Variants in PCDH11X observed in about 807,000 individuals in gnomAD.
PCDH11X encodes protocadherin-11 X-linked.
A neutral mutation model predicts 53.3 loss-of-function variants in PCDH11X; 18 were observed. The observed-to-expected ratio is 0.34, with a 90% CI of 0.23 to 0.50. The LOEUF (loss-of-function observed/expected upper bound fraction) is 0.50. Ranked by LOEUF, PCDH11X falls within the 20% of genes least tolerant of loss-of-function variation. The pLI is 0.98. For synonymous variants in PCDH11X, 279 were observed against 393.3 expected, an observed-to-expected ratio of 0.71 and a Z score of 3.44; for missense variants, 570 against 1,032.4, an observed-to-expected ratio of 0.55 and a Z score of 6.14.
At chrX:92,251,434 A>G (rs929711827) in intron 7 of PCDH11X, among the ~76,000 whole-genome samples, 5 of 111,170 alleles carry the variant, frequency 4.5e-5, no homozygotes, top group Non-Finnish European at 7.6e-5. Flanking sequence ...CCAAAATGAA[A>G]AAAAGAAAAA....
chrX:92,280,521 CAAAT>C (rs200000470), intron 8 of PCDH11X, among the ~76,000 whole-genome samples: 2,838 of 104,279 alleles, frequency 0.027, 66 homozygotes, highest in African/African-American at 0.061. Flanking sequence ...GGCTCCATCT[CAAAT>C]AAATAAATAA....
At position 91,988,763 on chromosome X, in the gene PCDH11X, T is replaced by G. The variant is rs2062266604; in HGVS notation, c.3033+109490T>G. 2.7e-5 allele frequency among the ~76,000 whole-genome samples: 3 copies of G among 112,041 alleles called. No individual in the cohort carries two copies. The Admixed American group carries it at 2.8e-4, about 11-fold the overall frequency. On this transcript the variant is annotated intron_variant, in intron 6 of 10. Transcript: ENST00000682573. ...GCAGTTGTCGAACACTAGTCTTACA[T>G]ACTGTGGTAGAGGACACAGACCAGT...
At position 92,621,991 on chromosome X, in the gene PCDH11X, T is replaced by A. The variant is rs1224625790; in HGVS notation, c.*3051T>A. On this transcript the variant is annotated 3_prime_UTR_variant, in exon 11 of 11. Transcript: ENST00000682573. The stretch of plus-strand genomic sequence containing the variant: ...GTATTCAAATACTAAGTATCTTATA[T>A]GCTACGTGCATACACATTCTTTTCT... 9.8e-6 allele frequency: 1 copy of A among 102,201 alleles called. No homozygotes were observed. The highest frequency in any genetic ancestry group is 2.0e-5 in the Non-Finnish European group (1 of 50,310). 8.4% of individuals were successfully genotyped at this position (102,201 alleles called of 1,213,427 possible).
chrX:92,122,304 A>C (rs944382358), intron 6 of PCDH11X, among the ~76,000 whole-genome samples: 1 of 111,336 alleles, frequency 9.0e-6, no homozygotes, highest in East Asian at 2.8e-4. Context: ...TGAAAAACCA[A>C]ATCCAACCAC....
At chrX:91,968,091 G>A (rs959217219) in intron 6 of PCDH11X, among the ~76,000 whole-genome samples, 3 of 111,680 alleles carry the variant, frequency 2.7e-5, no homozygotes, top group Non-Finnish European at 5.6e-5. Flanking sequence ...GAATTGAAAA[G>A]CAAGCCTTCA....
chrX:92,030,419 G>A (rs1027456922), intron 6 of PCDH11X, among the ~76,000 whole-genome samples: 1 of 108,322 alleles, frequency 9.2e-6, no homozygotes, highest in Non-Finnish European at 1.9e-5. Flanking sequence ...TTTGATACAG[G>A]TGTGCAATGC....
chrX:92,140,891 T>C lies in PCDH11X; in HGVS notation c.3034-60484T>C, dbSNP rs766316452. ...GGAAATGAAGACATACTAATAAATA[T>C]GTATTTTGCTTTCATAGTTACAGAT... On this transcript the variant is annotated intron_variant, in intron 6 of 10. Transcript: ENST00000682573. 2.7e-5 allele frequency among the ~76,000 whole-genome samples: 3 copies of C among 111,702 alleles called. No homozygotes were observed. The East Asian group carries it at 8.5e-4, about 32-fold the overall frequency.
At chrX:92,436,524 C>A (rs903685409) in intron 9 of PCDH11X, among the ~76,000 whole-genome samples, 1 of 111,345 alleles carries the variant, frequency 9.0e-6, no homozygotes, top group African/African-American at 3.3e-5. Flanking sequence ...AACATGCACA[C>A]AAATGTTCAC....
At chrX:92,508,004 G>A (rs1438635175) in intron 10 of PCDH11X, among the ~76,000 whole-genome samples, 14 of 109,170 alleles carry the variant, frequency 1.3e-4, no homozygotes, top group African/African-American at 3.7e-4. Flanking sequence ...TAGTAGAGAC[G>A]GGGTTTCACC....
chrX:92,091,647 G>A (rs1219689043), intron 6 of PCDH11X, among the ~76,000 whole-genome samples: 1 of 111,053 alleles, frequency 9.0e-6, no homozygotes, highest in Non-Finnish European at 1.9e-5. Flanking sequence ...AACTCAAAGT[G>A]GGGGCTTCCA....
chrX:92,403,346 T>TG lies in PCDH11X; in HGVS notation c.3343+15413_3343+15414insG, dbSNP rs1222504252. Among the ~76,000 whole-genome samples, 76 of 95,900 alleles carry TG rather than the reference T, an allele frequency of 7.9e-4. 2 individuals carry two copies. The highest frequency in any genetic ancestry group is 2.9e-3 in the African/African-American group (76 of 25,831). The allele number at this position is 95,900 out of a possible 115,157, so 83.3% of individuals were successfully genotyped here. On this transcript the variant is annotated intron_variant, in intron 9 of 10. Coordinates refer to ENST00000682573, the MANE Select transcript of PCDH11X (RefSeq NM_032968.5). ...GCATTTACGTTTTTTTTTGTTTTTT[T>TG]TTTTTTTTTTTTTTGTAGAATGTGA...
chrX:92,456,457 T>A (rs747127564), intron 9 of PCDH11X, among the ~76,000 whole-genome samples: 45 of 111,237 alleles, frequency 4.0e-4, no homozygotes, highest in Non-Finnish European at 6.6e-4. Flanking sequence ...TCCTTCCTTG[T>A]TATATAAGAA....
rs1237379683 is a variant in PCDH11X at position 92,383,777 on chromosome X, A to T, written c.3145-3958A>T. Among the ~76,000 whole-genome samples, 36 of 111,944 alleles carry T rather than the reference A, an allele frequency of 3.2e-4. 3 individuals carry two copies. Among genetic ancestry groups the T allele is most frequent in the Non-Finnish European group, 1.9e-5 (1 of 53,247 alleles). Reference sequence around the variant, plus strand: ...TCTTTGCTATTGTGAACAGTGCCGCAATAAACATACACGTGCATGAGTCTT... The same window carrying T: ...TCTTTGCTATTGTGAACAGTGCCGCTATAAACATACACGTGCATGAGTCTT... On this transcript the variant is annotated intron_variant, in intron 8 of 10. Coordinates refer to ENST00000682573, the MANE Select transcript of PCDH11X (RefSeq NM_032968.5).
chrX:92,221,238 A>T (rs1404203746), intron 7 of PCDH11X, among the ~76,000 whole-genome samples: 1 of 61,193 alleles, frequency 1.6e-5, no homozygotes, highest in East Asian at 5.6e-4. Flanking sequence ...AAAAATGAAA[A>T]ATTGCTCATT....
At chrX:92,263,191 A>T in intron 8 of PCDH11X, 48 bp downstream of exon 8, 1 of 1,066,557 alleles carries the variant, frequency 9.4e-7, no homozygotes, top group Non-Finnish European at 1.3e-6. Flanking sequence ...TGTTGTGTTT[A>T]TACTGTGTGA....
intron 7 of PCDH11X, among the ~76,000 whole-genome samples, chrX:92,212,006 C>CTTTTTTT (rs56939635): frequency 1.2e-4 from 8 of 64,592 alleles, no homozygotes; most frequent in Admixed American, 2.0e-4. Flanking sequence ...ACTTGCAATG[C>CTTTTTTT]TTTTTTTTTT....
intron 7 of PCDH11X, among the ~76,000 whole-genome samples, chrX:92,225,630 A>G (rs2066956094): frequency 9.0e-6 from 1 of 111,457 alleles, no homozygotes; most frequent in African/African-American, 3.3e-5. Context: ...TGGAGCTGGA[A>G]TTCAAATATT....
chrX:92,024,731 A>C (rs1005205535), intron 6 of PCDH11X, among the ~76,000 whole-genome samples: 2 of 108,233 alleles, frequency 1.8e-5, no homozygotes, highest in Admixed American at 1.0e-4. Flanking sequence ...AAAAAAAAAA[A>C]AAAAAACAAA....
At chrX:91,911,815 A>G (rs1430028289) in intron 6 of PCDH11X, among the ~76,000 whole-genome samples, 1 of 110,122 alleles carries the variant, frequency 9.1e-6, no homozygotes, top group Non-Finnish European at 1.9e-5. Context: ...TTCTACTTCT[A>G]TAAAGAATGT....
Sources: gnomAD v4.1 joint callset for allele counts (sites outside exome capture counted in the v4.1 genomes callset) on GRCh38, gnomAD v4.1.1 for gene constraint, MANE v1.5 for transcripts, NCBI Gene and HGNC (gene_info 2026-07-23, HGNC 2026-07-21) for gene names.